The following INTU variants were observed in gnomAD, a reference collection of about 807,000 sequenced individuals.
INTU encodes the protein protein inturned.
INTU carries 68 observed loss-of-function variants against 100.5 expected under a neutral mutation model. The observed-to-expected ratio is 0.68, with a 90% confidence interval of 0.56 to 0.83. The LOEUF (loss-of-function observed/expected upper bound fraction) is 0.83. Among genes scored for constraint, INTU ranks in the 40% least tolerant of loss-of-function variants. The pLI is 0.00. For synonymous variants in INTU, 357 were observed against 395.7 expected (o/e 0.90, Z 1.16); for missense variants, 1,071 against 1,114.7 (o/e 0.96, Z 0.56).
At chr4:127,669,600 T>C (rs1456686917) in intron 5 of INTU, among the ~76,000 whole-genome samples, 2 of 151,876 alleles carry the variant, frequency 1.3e-5, no homozygotes, top group South Asian at 4.1e-4. Flanking sequence ...CAAGAATGAC[T>C]GAACACGAAA....
At chr4:127,638,738 A>G (rs935467650) in intron 1 of INTU, among the ~76,000 whole-genome samples, 2 of 152,182 alleles carry the variant, frequency 1.3e-5, no homozygotes, top group African/African-American at 4.8e-5. Flanking sequence ...CTTGAATACC[A>G]ATTAAAATGC....
At chr4:127,677,969 G>A (rs1166748998) in intron 6 of INTU, among the ~76,000 whole-genome samples, 2 of 152,184 alleles carry the variant, frequency 1.3e-5, no homozygotes, top group African/African-American at 4.8e-5. Context: ...AGCTTCAGGA[G>A]CCGATGCAAT....
intron 9 of INTU, among the ~76,000 whole-genome samples, chr4:127,701,273 T>C (rs1730636779): frequency 6.6e-6 from 1 of 152,090 alleles, no homozygotes. Flanking sequence ...CCAAATAAAT[T>C]AGAAAAGGCT....
At chr4:127,668,939 C>A (rs1305359135) in intron 4 of INTU, 97 bp from the exon 5 acceptor site, 3 of 562,428 alleles carry the variant, frequency 5.3e-6, no homozygotes, top group Admixed American at 5.8e-5. Flanking sequence ...TGAAAGGATT[C>A]ATTTTTTGTT....
Position 127,633,062 on chromosome 4 carries a change from C to A in INTU, c.28C>A (p.Arg10Ser), listed in dbSNP as rs757901702. 2 of 1,613,712 alleles carry A rather than the reference C, an allele frequency of 1.2e-6. No homozygotes were observed. Among genetic ancestry groups the A allele is most frequent in the East Asian group, 2.2e-5 (1 of 44,862 alleles). The change falls in exon 1 of 16, where the codon CGT (arginine) becomes AGT (serine). Residue 10 changes from arginine (R) to serine (S), a missense_variant. Coordinates refer to ENST00000335251, the MANE Select transcript of INTU (RefSeq NM_015693.4). ...GGCCTCTGTGGCTTCGTGCGATTCG[C>A]GTCCGAGCTCAGACGAGCTCCCTGG... MASVASCDSRPSSDELPGDP... is the reference protein window; with the variant it reads MASVASCDSSPSSDELPGDP...
intron 9 of INTU, among the ~76,000 whole-genome samples, chr4:127,702,833 G>C (rs549320806): frequency 6.6e-6 from 1 of 152,132 alleles, no homozygotes; most frequent in East Asian, 1.9e-4. Context: ...ACTGATCTGT[G>C]TTCTGTCCCC....
intron 2 of INTU, 82 bp downstream of exon 2, chr4:127,644,138 C>A: frequency 3.0e-6 from 4 of 1,347,930 alleles, no homozygotes; most frequent in Non-Finnish European, 4.1e-6. Context: ...GTGATAAAAA[C>A]AATTATATAC....
At chr4:127,642,327 G>T (rs1174988558) in intron 1 of INTU, among the ~76,000 whole-genome samples, 1 of 152,158 alleles carries the variant, frequency 6.6e-6, no homozygotes, top group African/African-American at 2.4e-5. Flanking sequence ...GATATTTTCA[G>T]CTTGTTAGGC....
chr4:127,659,220 A>C (rs1728366639), intron 3 of INTU, among the ~76,000 whole-genome samples: 1 of 152,136 alleles, frequency 6.6e-6, no homozygotes, highest in African/African-American at 2.4e-5. Context: ...GGCCTGTAAG[A>C]AGATGCCCTT....
chr4:127,669,145 A>G lies in INTU; in HGVS notation c.1082A>G (p.Gln361Arg), dbSNP rs1414584278. 2 of 1,448,600 alleles carry G rather than the reference A, an allele frequency of 1.4e-6. No individual in the cohort carries two copies. The highest frequency in any genetic ancestry group is 1.3e-5 in the South Asian group (1 of 78,912). The allele number at this position is 1,448,600 out of a possible 1,614,324, so 89.7% of individuals were successfully genotyped here. A position where few individuals can be genotyped will look rare whatever the true frequency, so the allele number is the denominator to read the frequency against. Residue 361 changes from glutamine (Q) to arginine (R), a missense_variant, in exon 5 of 16, where the codon CAA becomes CGA. By Grantham distance (43) the Gln-to-Arg change is conservative (BLOSUM62 1). Coordinates refer to ENST00000335251, the MANE Select transcript of INTU (RefSeq NM_015693.4). ...CDMLENVTGT[Q>R]VTSSSLLLNG... ...ATGCTGGAAAACGTAACTGGGACAC[A>G]AGTTACTAGGTAATAATTTTTATTT...
intron 6 of INTU, among the ~76,000 whole-genome samples, chr4:127,675,264 T>C (rs936284657): frequency 6.6e-6 from 1 of 152,200 alleles, no homozygotes; most frequent in Non-Finnish European, 1.5e-5. Flanking sequence ...AATACTATAA[T>C]ATGTGATGGA....
chr4:127,647,962 G>A (rs1401905034), intron 2 of INTU, among the ~76,000 whole-genome samples: 1 of 151,850 alleles, frequency 6.6e-6, no homozygotes, highest in Non-Finnish European at 1.5e-5. Context: ...CATGTTGTTT[G>A]ATGTTAAGTA....
chr4:127,712,836 C>T (rs1217028649), intron 14 of INTU, among the ~76,000 whole-genome samples: 3 of 152,170 alleles, frequency 2.0e-5, no homozygotes, highest in East Asian at 3.8e-4. Context: ...AGGTCAGCTG[C>T]GGCATTAGGT....
intron 4 of INTU, among the ~76,000 whole-genome samples, chr4:127,668,804 G>A (rs1296794572): frequency 1.3e-5 from 2 of 151,688 alleles, no homozygotes; most frequent in Non-Finnish European, 3.0e-5. Flanking sequence ...TATATTATTT[G>A]TTATTATGAC....
At chr4:127,644,650 A>G (rs1560829040) in intron 2 of INTU, among the ~76,000 whole-genome samples, 1 of 152,236 alleles carries the variant, frequency 6.6e-6, no homozygotes, top group African/African-American at 2.4e-5. Context: ...ATATATTAAG[A>G]TGAACATTTT....
intron 6 of INTU, among the ~76,000 whole-genome samples, chr4:127,676,939 G>A (rs898170297): frequency 6.6e-6 from 1 of 152,192 alleles, no homozygotes; most frequent in African/African-American, 2.4e-5. Context: ...GGCGCACCAG[G>A]AGATTATATC....
At chr4:127,644,613 AAAAT>A (rs1484105158) in intron 2 of INTU, among the ~76,000 whole-genome samples, 2 of 152,192 alleles carry the variant, frequency 1.3e-5, no homozygotes, top group Admixed American at 6.5e-5. Flanking sequence ...ATTTTCAAGA[AAAAT>A]AAACCCACAA....
chr4:127,656,586 TG>T, intron 2 of INTU, 49 bp from the exon 3 acceptor site: 1 of 1,320,794 alleles, frequency 7.6e-7, no homozygotes, highest in Middle Eastern at 1.8e-4. Flanking sequence ...TAGACCTCTA[TG>T]GTTTTTAGAT....
intron 1 of INTU, 146 bp downstream of exon 1, chr4:127,633,326 C>A: frequency 1.3e-6 from 1 of 776,568 alleles, no homozygotes; most frequent in African/African-American, 1.7e-5. Context: ...GCACCACGTT[C>A]CATTGTATGG....
Sources: gnomAD v4.1 joint callset for allele counts (sites outside exome capture counted in the v4.1 genomes callset) on GRCh38, gnomAD v4.1.1 for gene constraint, MANE v1.5 for transcripts, NCBI Gene and HGNC (gene_info 2026-07-23, HGNC 2026-07-21) for gene names.